SAMD4A: variants seen among roughly 807,000 people sequenced by gnomAD.
The protein encoded by SAMD4A is sterile alpha motif domain containing 4A, also known as protein Smaug homolog 1.
In SAMD4A, 33 loss-of-function variants were observed where a neutral mutation model predicts 81.3. That is an observed-to-expected ratio of 0.41 (90% CI 0.31 to 0.54). The LOEUF (loss-of-function observed/expected upper bound fraction) is 0.54. SAMD4A is among the 20% of genes least tolerant of loss of function. The pLI, the probability that SAMD4A is intolerant of heterozygous loss-of-function variation, is 0.37. For synonymous variants in SAMD4A, 389 were observed against 382.1 expected (o/e 1.02, Z -0.21); for missense variants, 854 against 951.1 (o/e 0.90, Z 1.34).
At chr14:54,700,391 A>G (rs1367135426) in intron 2 of SAMD4A, among the ~76,000 whole-genome samples, 2 of 152,140 alleles carry the variant, frequency 1.3e-5, no homozygotes, top group East Asian at 3.9e-4. Flanking sequence ...TTCATTATAT[A>G]CCATGCCTCT....
At chr14:54,636,476 C>A (rs1047038561) in intron 2 of SAMD4A, among the ~76,000 whole-genome samples, 1 of 152,108 alleles carries the variant, frequency 6.6e-6, no homozygotes, top group African/African-American at 2.4e-5. Context: ...GTGGCATGCT[C>A]TGACTTATAC....
intron 2 of SAMD4A, among the ~76,000 whole-genome samples, chr14:54,650,384 T>G (rs1354104506): frequency 6.6e-6 from 1 of 152,226 alleles, no homozygotes; most frequent in African/African-American, 2.4e-5. Flanking sequence ...GCTAGTGATT[T>G]TTCCTTTCTT....
At chr14:54,588,364 T>G (rs1312121026) in intron 2 of SAMD4A, among the ~76,000 whole-genome samples, 1 of 152,046 alleles carries the variant, frequency 6.6e-6, no homozygotes, top group Non-Finnish European at 1.5e-5. Context: ...ATTTTTTTTT[T>G]GTTGTTGTTT....
At chr14:54,609,594 G>A (rs2034304455) in intron 2 of SAMD4A, among the ~76,000 whole-genome samples, 1 of 152,184 alleles carries the variant, frequency 6.6e-6, no homozygotes, top group Non-Finnish European at 1.5e-5. Flanking sequence ...ATGCTTTAAT[G>A]GAGGGCTAAT....
chr14:54,583,002 G>T (rs1034719218), intron 2 of SAMD4A, among the ~76,000 whole-genome samples: 6 of 152,080 alleles, frequency 3.9e-5, no homozygotes, highest in Non-Finnish European at 7.4e-5. Context: ...GGAGTGCAGT[G>T]GCGCAATCTC....
At chr14:54,760,012 C>T (rs1021901020) in intron 6 of SAMD4A, 149 bp from the exon 7 acceptor site, 29 of 716,522 alleles carry the variant, frequency 4.0e-5, no homozygotes, top group African/African-American at 1.7e-4. Context: ...AATGATGAAA[C>T]GAAAGTGGTC....
At chr14:54,768,671 G>C (rs182236971) in intron 8 of SAMD4A, among the ~76,000 whole-genome samples, 2 of 152,340 alleles carry the variant, frequency 1.3e-5, no homozygotes, top group East Asian at 1.9e-4. Flanking sequence ...TGTGTAGCTG[G>C]ACATGCAGGG....
intron 2 of SAMD4A, among the ~76,000 whole-genome samples, chr14:54,573,201 T>A (rs2033184358): frequency 6.6e-6 from 1 of 152,236 alleles, no homozygotes. Context: ...GCAGGTCACA[T>A]ATATTTGTAC....
chr14:54,739,055 C>CTTTTCTTTTTTTTT (rs5741994), intron 4 of SAMD4A, among the ~76,000 whole-genome samples: 2 of 97,344 alleles, frequency 2.1e-5, no homozygotes, highest in African/African-American at 4.8e-5. Flanking sequence ...CTTTCCTTTT[C>CTTTTCTTTTTTTTT]TTTTTTTTTT....
intron 2 of SAMD4A, among the ~76,000 whole-genome samples, chr14:54,672,652 T>C (rs2035910387): frequency 6.6e-6 from 1 of 152,208 alleles, no homozygotes; most frequent in Non-Finnish European, 1.5e-5. Context: ...TAGACAAGAA[T>C]AGTATTATTT....
At chr14:54,698,749 A>G (rs1025292240) in intron 2 of SAMD4A, among the ~76,000 whole-genome samples, 2 of 152,190 alleles carry the variant, frequency 1.3e-5, no homozygotes, top group East Asian at 1.9e-4. Flanking sequence ...TGGTCCCACC[A>G]TCCAAGCCCT....
intron 2 of SAMD4A, among the ~76,000 whole-genome samples, chr14:54,687,115 A>G (rs1221046361): frequency 6.6e-6 from 1 of 152,248 alleles, no homozygotes; most frequent in Non-Finnish European, 1.5e-5. Flanking sequence ...TACCCATTTT[A>G]GACCTCAAGG....
intron 10 of SAMD4A, among the ~76,000 whole-genome samples, chr14:54,775,646 G>A (rs1047968311): frequency 8.5e-5 from 13 of 152,088 alleles, no homozygotes; most frequent in Middle Eastern, 3.4e-3. Context: ...CTGGCCCGTC[G>A]CTCATACCCC....
At chr14:54,656,619 T>G (rs1347771835) in intron 2 of SAMD4A, among the ~76,000 whole-genome samples, 1 of 152,176 alleles carries the variant, frequency 6.6e-6, no homozygotes, top group Non-Finnish European at 1.5e-5. Context: ...AAACTAGTTT[T>G]TTTGTTTGTT....
chr14:54,671,120 G>T (rs1005568275), intron 2 of SAMD4A, among the ~76,000 whole-genome samples: 1 of 152,184 alleles, frequency 6.6e-6, no homozygotes, highest in Non-Finnish European at 1.5e-5. Context: ...TAAGTGTGGC[G>T]AAAGTGAGGC....
chr14:54,595,642 C>G (rs1232630155), intron 2 of SAMD4A, among the ~76,000 whole-genome samples: 1 of 152,028 alleles, frequency 6.6e-6, no homozygotes. Flanking sequence ...TATTTAGATA[C>G]TTGGATTAAG....
chr14:54,681,792 A>C (rs938767635), intron 2 of SAMD4A: 1 of 985,126 alleles, frequency 1.0e-6, no homozygotes, highest in Non-Finnish European at 1.2e-6. Context: ...AAAAATATGC[A>C]GGGAGATGAG....
chr14:54,616,170 A>C (rs780608419), intron 2 of SAMD4A, among the ~76,000 whole-genome samples: 1 of 152,320 alleles, frequency 6.6e-6, no homozygotes, highest in Non-Finnish European at 1.5e-5. Context: ...AAAGATTATA[A>C]ATTGCCTTGC....
chr14:54,567,955 G>T lies in SAMD4A; in HGVS notation c.39G>T (p.Trp13Cys). The T allele has an allele frequency of 6.2e-7, 1 of 1,610,378 alleles. No individual in the cohort carries two copies. Reference protein sequence around the residue: ...FRDQVGVLAGWFKGWNECEQT... With the variant: ...FRDQVGVLAGCFKGWNECEQT... ...ACCAGGTCGGGGTGCTGGCGGGCTGGTTTAAGGGCTGGAACGAGTGCGAGC... is the reference window on the plus strand; with the variant it reads ...ACCAGGTCGGGGTGCTGGCGGGCTGTTTTAAGGGCTGGAACGAGTGCGAGC... The change falls in exon 2 of 13, where the codon TGG (tryptophan) becomes TGT (cysteine). Residue 13 changes from tryptophan to cysteine, a missense_variant. Around this residue, in one of 3 missense-constraint regions of SAMD4A, gnomAD observed 387 missense variants for 405.8 expected, o/e 0.95. Coordinates refer to ENST00000554335, the MANE Select transcript of SAMD4A (RefSeq NM_015589.6).
Sources: allele counts gnomAD v4.1 joint callset (sites outside exome capture counted in the v4.1 genomes callset), GRCh38; gene constraint gnomAD v4.1.1; regional missense constraint gnomAD v4.1.1; transcripts MANE v1.5; gene names NCBI Gene and HGNC (gene_info 2026-07-23, HGNC 2026-07-21).